The following C6orf163 variants were observed in gnomAD, a reference collection of about 807,000 sequenced individuals.
C6orf163 encodes the protein chromosome 6 open reading frame 163, also known as uncharacterized protein C6orf163.
A neutral mutation model predicts 28.4 loss-of-function variants in C6orf163; 22 were observed. That is an observed-to-expected ratio of 0.78 (90% confidence interval 0.55 to 1.11). The LOEUF is 1.11. Among genes scored for constraint, C6orf163 ranks in the 50% least tolerant of loss-of-function variants. C6orf163 has a pLI of 0.00. For missense variants in C6orf163, 342 were observed against 389.1 expected, an observed-to-expected ratio of 0.88 and a Z score of 1.02; for synonymous variants, 110 against 123.6, an observed-to-expected ratio of 0.89 and a Z score of 0.73.
At chr6:87,361,177 C>A (rs1777575620) in intron 4 of C6orf163, among the ~76,000 whole-genome samples, 2 of 151,926 alleles carry the variant, frequency 1.3e-5, no homozygotes, top group South Asian at 4.1e-4. Flanking sequence ...CTCAGCTATT[C>A]CGGAGGCTGA....
intron 4 of C6orf163, among the ~76,000 whole-genome samples, chr6:87,364,323 T>G (rs1777617182): frequency 6.6e-6 from 1 of 152,172 alleles, no homozygotes; most frequent in South Asian, 2.1e-4. Flanking sequence ...CATGAAATAT[T>G]TCATTGTTTG....
At chr6:87,363,482 G>T (rs1021968937) in intron 4 of C6orf163, among the ~76,000 whole-genome samples, 1 of 151,898 alleles carries the variant, frequency 6.6e-6, no homozygotes, top group Non-Finnish European at 1.5e-5. Context: ...ATCTCCTAAA[G>T]CTATCCCTCC....
intron 3 of C6orf163, among the ~76,000 whole-genome samples, chr6:87,355,123 A>G (rs1422571427): frequency 6.6e-6 from 1 of 152,274 alleles, no homozygotes; most frequent in Non-Finnish European, 1.5e-5. Context: ...ATCTCTTGAA[A>G]GACTCCAGCA....
intron 4 of C6orf163, chr6:87,356,873 A>G (rs938340634): frequency 5.3e-6 from 1 of 189,880 alleles, no homozygotes; most frequent in African/African-American, 2.3e-5. Context: ...AAGGACAGGA[A>G]TCAAGAAACA....
At chr6:87,349,029 A>G in intron 2 of C6orf163, 123 bp downstream of exon 2, 2 of 1,263,058 alleles carry the variant, frequency 1.6e-6, no homozygotes, top group Non-Finnish European at 2.1e-6. Context: ...GCTGTGGGAC[A>G]TTGGGCAAGT....
chr6:87,350,696 C>T (rs1424738092), intron 3 of C6orf163, among the ~76,000 whole-genome samples, 195 bp downstream of exon 3: 2 of 152,162 alleles, frequency 1.3e-5, no homozygotes, highest in Non-Finnish European at 1.5e-5. Context: ...AAGAAGAACC[C>T]CATAGCTTAC....
At chr6:87,362,768 A>G (rs9362424) in intron 4 of C6orf163, among the ~76,000 whole-genome samples, 3 of 152,154 alleles carry the variant, frequency 2.0e-5, no homozygotes, top group African/African-American at 7.2e-5. Flanking sequence ...ATCTTGGAGG[A>G]TGGAATTTAG....
Position 87,345,056 on chromosome 6 carries a change from G to T in C6orf163, c.-44G>T. 1 of 1,449,304 alleles carries T rather than the reference G, an allele frequency of 6.9e-7. No homozygotes were observed. Among genetic ancestry groups the T allele is most frequent in the South Asian group, 1.3e-5 (1 of 74,424 alleles). 89.8% of individuals were successfully genotyped at this position (1,449,304 alleles called of 1,614,324 possible). A position where few individuals can be genotyped will look rare whatever the true frequency, so the allele number is the denominator to read the frequency against. On this transcript the variant is annotated 5_prime_UTR_variant, in exon 1 of 5. Transcript: ENST00000388923. ...TTGAAACGACTTTTTCTGATTCTAA[G>T]ATTATTTTAACTGTAAGTAGGAGAA...
chr6:87,348,688 A>G, intron 1 of C6orf163, 124 bp from the exon 2 acceptor site: 2 of 1,438,624 alleles, frequency 1.4e-6, no homozygotes, highest in South Asian at 1.5e-5. Context: ...TGAAATATAT[A>G]TACTGGCATC....
intron 2 of C6orf163, among the ~76,000 whole-genome samples, chr6:87,350,156 C>T (rs1013571454): frequency 6.6e-6 from 1 of 152,176 alleles, no homozygotes; most frequent in South Asian, 2.1e-4. Flanking sequence ...TTGCCTTTAG[C>T]GATTCCAAAA....
In C6orf163 at chr6:87,350,388, T is replaced by C; in HGVS notation, c.244-6T>C. ...TTAATAGATAAATGGACTCTTTCTT[T>C]CAAAGGCTAATGAACGTCAAAAACA... On this transcript the variant is annotated splice_region_variant and splice_polypyrimidine_tract_variant and intron_variant, in intron 2 of 4. Coordinates refer to ENST00000388923, the MANE Select transcript of C6orf163 (RefSeq NM_001010868.3). The C allele has an allele frequency of 6.6e-7, 1 of 1,512,852 alleles. No homozygotes were observed. Among genetic ancestry groups the C allele is most frequent in the Non-Finnish European group, 8.9e-7 (1 of 1,127,706 alleles). 93.7% of individuals were successfully genotyped at this position (1,512,852 alleles called of 1,614,324 possible).
At chr6:87,356,621 T>C (rs947218061) in intron 4 of C6orf163, 118 bp downstream of exon 4, 1 of 882,270 alleles carries the variant, frequency 1.1e-6, no homozygotes, top group East Asian at 2.7e-5. Flanking sequence ...TTTTACATTT[T>C]TATTATGGAA....
At chr6:87,349,133 T>A (rs576744077) in intron 2 of C6orf163, among the ~76,000 whole-genome samples, 1 of 152,198 alleles carries the variant, frequency 6.6e-6, no homozygotes, top group Non-Finnish European at 1.5e-5. Context: ...TGAAATAATA[T>A]GCCTGGCACA....
chr6:87,345,190 C>T lies in C6orf163; in HGVS notation c.91C>T (p.Arg31Trp), dbSNP rs771735516. The change falls in exon 1 of 5, where the codon CGG (arginine) becomes TGG (tryptophan). Residue 31 changes from arginine to tryptophan, a missense_variant. Physicochemically the swap from Arg to Trp is moderately radical, Grantham distance 101. Transcript: ENST00000388923. Reference sequence around the variant, plus strand: ...AGCCCCTTTTGGAAAAACCTTCAAACGGATCCATGAATACAAGCCACTTAA... The same window carrying T: ...AGCCCCTTTTGGAAAAACCTTCAAATGGATCCATGAATACAAGCCACTTAA... ...PPAPFGKTFK[R>W]IHEYKPLKTR... 2.7e-5 allele frequency: 42 copies of T among 1,536,626 alleles called. No homozygotes were observed. The highest frequency in any genetic ancestry group is 1.7e-4 in the Middle Eastern group (1 of 6,006).
Position 87,347,687 on chromosome 6 carries a change from T to A in C6orf163, c.149-1125T>A, listed in dbSNP as rs1427851241. 5 of 985,270 alleles carry A rather than the reference T, an allele frequency of 5.1e-6. No homozygotes were observed. In the African/African-American group the frequency reaches 8.7e-5, roughly 17 times the overall value. The allele number at this position is 985,270 out of a possible 1,614,324, so 61.0% of individuals were successfully genotyped here. A position where few individuals can be genotyped will look rare whatever the true frequency, so the allele number is the denominator to read the frequency against. On this transcript the variant is annotated intron_variant, in intron 1 of 4. Transcript: ENST00000388923. Reference sequence around the variant, plus strand: ...TGCATGAAATGGAATTTCTTGACTCTTTTAACAGAGAAACCCAAGGGAAAT... The same window carrying A: ...TGCATGAAATGGAATTTCTTGACTCATTTAACAGAGAAACCCAAGGGAAAT...
chr6:87,353,118 G>C (rs1367904690), intron 3 of C6orf163, among the ~76,000 whole-genome samples: 1 of 151,930 alleles, frequency 6.6e-6, no homozygotes, highest in East Asian at 1.9e-4. Flanking sequence ...AATGAATTTT[G>C]GTTTTATTAA....
At chr6:87,352,511 AT>A (rs1408415798) in intron 3 of C6orf163, among the ~76,000 whole-genome samples, 1 of 152,200 alleles carries the variant, frequency 6.6e-6, no homozygotes, top group Non-Finnish European at 1.5e-5. Context: ...TCTCAAATGC[AT>A]GCTGTTAGAT....
At chr6:87,346,361 G>A (rs2127929280) in intron 1 of C6orf163, among the ~76,000 whole-genome samples, 1 of 152,298 alleles carries the variant, frequency 6.6e-6, no homozygotes, top group South Asian at 2.1e-4. Context: ...CATTTAGTAA[G>A]TGCTTAGTAT....
At chr6:87,363,172 A>G (rs1401624112) in intron 4 of C6orf163, among the ~76,000 whole-genome samples, 1 of 152,146 alleles carries the variant, frequency 6.6e-6, no homozygotes, top group Non-Finnish European at 1.5e-5. Context: ...TAAGAGGTCA[A>G]CATGGTTGGC....
Sources: allele counts gnomAD v4.1 joint callset (sites outside exome capture counted in the v4.1 genomes callset), GRCh38; gene constraint gnomAD v4.1.1; transcripts MANE v1.5; gene names NCBI Gene and HGNC (gene_info 2026-07-23, HGNC 2026-07-21).